UBE2G1: variants seen among roughly 807,000 people sequenced by gnomAD.
UBE2G1 encodes the protein ubiquitin-conjugating enzyme E2 G1.
In UBE2G1, 5 loss-of-function variants were observed where a neutral mutation model predicts 22.7. The ratio of observed to expected loss-of-function variants is 0.22; its 90% CI spans 0.12 to 0.46. The LOEUF (loss-of-function observed/expected upper bound fraction) is 0.46, where lower values mean the gene tolerates loss of function less well. Ranked by LOEUF, UBE2G1 falls within the 20% of genes least tolerant of loss-of-function variation. The probability of loss-of-function intolerance (pLI) is 0.99; values close to 1 mark genes in which losing one functional copy is unlikely to be tolerated. For missense variants in UBE2G1, 88 were observed against 203.9 expected (o/e 0.43, Z 3.46); for synonymous variants, 74 against 67.5 (o/e 1.10, Z -0.47).
At chr17:4,284,843 T>C (rs2875769) in intron 4 of UBE2G1, among the ~76,000 whole-genome samples, 84 of 40,472 alleles carry the variant, frequency 2.1e-3, no homozygotes, top group South Asian at 7.4e-3. Flanking sequence ...TCTTTCTTTT[T>C]TTTTTTTTTT....
chr17:4,351,787 C>T (rs915051538), intron 1 of UBE2G1, among the ~76,000 whole-genome samples: 1 of 152,102 alleles, frequency 6.6e-6, no homozygotes, highest in Non-Finnish European at 1.5e-5. Flanking sequence ...TCAAGGAAGA[C>T]CTCGGAATAA....
intron 1 of UBE2G1, among the ~76,000 whole-genome samples, chr17:4,357,293 C>T (rs925069461): frequency 9.2e-5 from 14 of 151,776 alleles, no homozygotes; most frequent in Admixed American, 3.3e-4. Context: ...GTAGTAATGC[C>T]GGCATATTGT....
At chr17:4,319,165 T>C (rs1295482451) in intron 1 of UBE2G1, among the ~76,000 whole-genome samples, 5 of 152,158 alleles carry the variant, frequency 3.3e-5, no homozygotes, top group African/African-American at 1.2e-4. Context: ...CATAAATCTA[T>C]AAAGCTTTCT....
chr17:4,317,794 C>T (rs1209235501), intron 1 of UBE2G1, among the ~76,000 whole-genome samples: 3 of 152,186 alleles, frequency 2.0e-5, no homozygotes, highest in African/African-American at 4.8e-5. Flanking sequence ...GTCCTAAGTA[C>T]GTTGTTGCTT....
chr17:4,360,017 T>C (rs577464419), intron 1 of UBE2G1, among the ~76,000 whole-genome samples: 1 of 152,326 alleles, frequency 6.6e-6, no homozygotes, highest in East Asian at 1.9e-4. Context: ...TTTATACCAA[T>C]AATTCATATT....
chr17:4,366,290 T>A lies in UBE2G1; in HGVS notation c.27A>T (p.Leu9=). The change falls in exon 1 of 6, where the codon CTA becomes CTT. Residue 9 remains leucine, a synonymous_variant. Coordinates refer to ENST00000396981, the MANE Select transcript of UBE2G1 (RefSeq NM_003342.5). ...GCTCACCTGCCAGCTGTCTTCGCAGTAGCAGTGCCGACTGCAGCTCCGTCA... is the reference window on the plus strand; with the variant it reads ...GCTCACCTGCCAGCTGTCTTCGCAGAAGCAGTGCCGACTGCAGCTCCGTCA... The part of the protein sequence containing the change: MTELQSAL[L]LRRQLAELNK... The A allele has an allele frequency of 6.4e-7, 1 of 1,555,374 alleles. No homozygotes were observed. Among genetic ancestry groups the A allele is most frequent in the South Asian group, 1.2e-5 (1 of 86,574 alleles).
intron 2 of UBE2G1, chr17:4,302,698 A>G (rs1969198989): frequency 7.4e-6 from 2 of 268,636 alleles, no homozygotes; most frequent in African/African-American, 2.2e-5. Context: ...CCCATACTTA[A>G]TAAGTTTAAA....
At chr17:4,303,755 A>G (rs970562797) in intron 2 of UBE2G1, among the ~76,000 whole-genome samples, 1 of 152,222 alleles carries the variant, frequency 6.6e-6, no homozygotes, top group East Asian at 1.9e-4. Context: ...ACTGTAAAAG[A>G]ATGTAATTCA....
At chr17:4,325,989 CG>C (rs1320734905) in intron 1 of UBE2G1, among the ~76,000 whole-genome samples, 2 of 151,948 alleles carry the variant, frequency 1.3e-5, no homozygotes, top group Non-Finnish European at 2.9e-5. Context: ...AAAACTTAAA[CG>C]TAAGAGCTAA....
intron 1 of UBE2G1, among the ~76,000 whole-genome samples, chr17:4,321,052 G>A (rs2143759752): frequency 6.6e-6 from 1 of 152,288 alleles, no homozygotes; most frequent in South Asian, 2.1e-4. Context: ...GGGGGATGAA[G>A]AGGGAAAATC....
At chr17:4,360,660 C>G (rs2143834101) in intron 1 of UBE2G1, among the ~76,000 whole-genome samples, 1 of 152,324 alleles carries the variant, frequency 6.6e-6, no homozygotes, top group Non-Finnish European at 1.5e-5. Flanking sequence ...GCCTGTAATC[C>G]CAGCACTTTG....
intron 1 of UBE2G1, among the ~76,000 whole-genome samples, chr17:4,337,691 A>G (rs1293327777): frequency 6.6e-6 from 1 of 151,286 alleles, no homozygotes; most frequent in Non-Finnish European, 1.5e-5. Flanking sequence ...AAAAGAAGAG[A>G]AAAAAATCTT....
chr17:4,341,146 C>T (rs1288488810), intron 1 of UBE2G1, among the ~76,000 whole-genome samples: 1 of 151,724 alleles, frequency 6.6e-6, no homozygotes, highest in Non-Finnish European at 1.5e-5. Flanking sequence ...ATTAGTCACA[C>T]ACTGAAAGAA....
chr17:4,341,652 C>T (rs1356875031), intron 1 of UBE2G1, among the ~76,000 whole-genome samples: 2 of 152,162 alleles, frequency 1.3e-5, no homozygotes, highest in Non-Finnish European at 2.9e-5. Flanking sequence ...TTTCTCAACA[C>T]CCCTTCACGG....
chr17:4,287,242 T>C (rs1306277549), intron 4 of UBE2G1, among the ~76,000 whole-genome samples: 1 of 152,014 alleles, frequency 6.6e-6, no homozygotes, highest in East Asian at 1.9e-4. Flanking sequence ...GCAGCTGGGA[T>C]TACAGGCGCC....
In UBE2G1 at chr17:4,287,258, C is replaced by A. The variant is rs376186367; in HGVS notation, c.426+1972G>T. Among the ~76,000 whole-genome samples the A allele has an allele frequency of 1.7e-3, 259 of 152,134 alleles. 2 individuals are homozygous for A. The highest frequency in any genetic ancestry group is 5.7e-3 in the African/African-American group (237 of 41,512). The stretch of plus-strand genomic sequence containing the variant: ...CAGCTGGGATTACAGGCGCCTGCCA[C>A]CACGCCTGGCTAATTTTTTTGTATT... On this transcript the variant is annotated intron_variant, in intron 4 of 5. Coordinates refer to ENST00000396981, the MANE Select transcript of UBE2G1 (RefSeq NM_003342.5).
chr17:4,323,689 T>C (rs1293359016), intron 1 of UBE2G1, among the ~76,000 whole-genome samples: 2 of 152,138 alleles, frequency 1.3e-5, no homozygotes, highest in East Asian at 1.9e-4. Context: ...GCTGGGTCTA[T>C]AGGTACATGG....
chr17:4,306,054 G>C (rs1397569909), intron 2 of UBE2G1, among the ~76,000 whole-genome samples: 1 of 152,172 alleles, frequency 6.6e-6, no homozygotes, highest in Non-Finnish European at 1.5e-5. Flanking sequence ...TCAGTTAATA[G>C]ATTATCATAG....
rs1970035262 is a variant in UBE2G1, at chr17:4,366,348, G to C, written c.-32C>G. 6.6e-7 allele frequency: 1 copy of C among 1,521,852 alleles called. No individual in the cohort carries two copies. Among genetic ancestry groups the C allele is most frequent in the African/African-American group, 1.4e-5 (1 of 69,674 alleles). The allele number at this position is 1,521,852 out of a possible 1,614,324, so 94.3% of individuals were successfully genotyped here. A position where few individuals can be genotyped will look rare whatever the true frequency, so the allele number is the denominator to read the frequency against. ...TGCCGAGGGCCCGGGCTGGCGCCGG[G>C]GCTTCCGAAGGGCTGGGGACAGGCT... On this transcript the variant is annotated 5_prime_UTR_variant, in exon 1 of 6. Coordinates refer to ENST00000396981, the MANE Select transcript of UBE2G1 (RefSeq NM_003342.5).
Sources: gnomAD v4.1 joint callset for allele counts (sites outside exome capture counted in the v4.1 genomes callset) on GRCh38, gnomAD v4.1.1 for gene constraint, MANE v1.5 for transcripts, NCBI Gene and HGNC (gene_info 2026-07-23, HGNC 2026-07-21) for gene names.